Variants in PDE4D observed in about 807,000 individuals in gnomAD.
PDE4D encodes the protein 3',5'-cyclic-AMP phosphodiesterase 4D.
A neutral mutation model predicts 87.4 loss-of-function variants in PDE4D; 24 were observed. The observed-to-expected ratio is 0.27, with a 90% CI of 0.20 to 0.39. The LOEUF is 0.39. PDE4D is among the 10% of genes least tolerant of loss of function. The pLI is 1.00. For synonymous variants in PDE4D, 384 were observed against 383.2 expected (o/e 1.00, Z -0.02); for missense variants, 714 against 1,041.0 (o/e 0.69, Z 4.32).
chr5:60,003,527 T>C (rs1460171023), intron 2 of PDE4D, among the ~76,000 whole-genome samples: 1 of 151,854 alleles, frequency 6.6e-6, no homozygotes, highest in Non-Finnish European at 1.5e-5. Context: ...CTGGCCAAGA[T>C]GGTGAAATCC....
At chr5:60,487,141 C>T (rs1749206564) in intron 1 of PDE4D, among the ~76,000 whole-genome samples, 1 of 152,190 alleles carries the variant, frequency 6.6e-6, no homozygotes, top group Non-Finnish European at 1.5e-5. Context: ...CTTCAATCTG[C>T]TCCAGCTTTA....
chr5:59,402,788 A>T (rs13189436), intron 1 of PDE4D, among the ~76,000 whole-genome samples: 25,177 of 151,588 alleles, frequency 0.17, 2,621 homozygotes, highest in African/African-American at 0.3. Context: ...ATTTTTTTTT[A>T]AATTCCATAT....
At chr5:59,455,450 T>G (rs1799771633) in intron 1 of PDE4D, among the ~76,000 whole-genome samples, 1 of 152,228 alleles carries the variant, frequency 6.6e-6, no homozygotes, top group Non-Finnish European at 1.5e-5. Flanking sequence ...AATTGAGGTT[T>G]GGGAACCTCT....
Position 59,933,786 on chromosome 5 carries a change from ATATATT to A in PDE4D, c.272+54696_272+54701del, listed in dbSNP as rs200996858. ...TGTAAAAGGAGATATATATATATAT[ATATATT>A]AATAAGCATTCATATAAAAGATAAT... On this transcript the variant is annotated intron_variant, in intron 3 of 16. Transcript: ENST00000502484. Among the ~76,000 whole-genome samples the A allele has an allele frequency of 7.4e-4, 81 of 109,000 alleles. 1 individual carries two copies. Among genetic ancestry groups the A allele is most frequent in the African/African-American group, 4.0e-3 (76 of 18,960 alleles). 71.5% of individuals were successfully genotyped at this position (109,000 alleles called of 152,430 possible).
intron 1 of PDE4D, among the ~76,000 whole-genome samples, chr5:59,315,760 C>G (rs187246416): frequency 3.1e-4 from 47 of 152,166 alleles, no homozygotes; most frequent in Middle Eastern, 3.4e-3. Flanking sequence ...GGCACTAGAC[C>G]AGTAAAGGAA....
At chr5:60,317,280 T>G (rs1267810224) in intron 1 of PDE4D, among the ~76,000 whole-genome samples, 1 of 152,196 alleles carries the variant, frequency 6.6e-6, no homozygotes. Flanking sequence ...TGCATAGAGG[T>G]GTTTATAGTA....
chr5:60,477,511 A>G (rs1028050967), intron 1 of PDE4D, among the ~76,000 whole-genome samples: 1 of 152,196 alleles, frequency 6.6e-6, no homozygotes, highest in Non-Finnish European at 1.5e-5. Flanking sequence ...TTAAATTTCC[A>G]AAAGGGAGGC....
At chr5:59,140,818 C>T (rs956119141) in intron 5 of PDE4D, among the ~76,000 whole-genome samples, 1 of 152,118 alleles carries the variant, frequency 6.6e-6, no homozygotes, top group Non-Finnish European at 1.5e-5. Context: ...TATTCCTTGA[C>T]GTGATTCTGT....
At chr5:59,847,702 A>C in intron 1 of PDE4D, among the ~76,000 whole-genome samples, 1 of 152,094 alleles carries the variant, frequency 6.6e-6, no homozygotes, top group East Asian at 1.9e-4. Flanking sequence ...TTAGGCAAAC[A>C]ACCAGGAAAA....
chr5:59,390,554 C>A (rs958736780), intron 1 of PDE4D, among the ~76,000 whole-genome samples: 14 of 152,094 alleles, frequency 9.2e-5, no homozygotes, highest in African/African-American at 3.1e-4. Flanking sequence ...AAGAGCAAAT[C>A]AGGGTTACTA....
At chr5:60,297,635 C>T (rs1320401026) in intron 1 of PDE4D, among the ~76,000 whole-genome samples, 2 of 152,094 alleles carry the variant, frequency 1.3e-5, no homozygotes, top group East Asian at 3.9e-4. Flanking sequence ...ATAATCAAAA[C>T]ACAGTTCCAA....
intron 1 of PDE4D, among the ~76,000 whole-genome samples, chr5:59,610,045 C>T (rs1218146515): frequency 6.6e-6 from 1 of 152,112 alleles, no homozygotes; most frequent in Non-Finnish European, 1.5e-5. Flanking sequence ...TCTGGTACTG[C>T]CCTAGATACA....
chr5:59,922,582 A>G (rs1178897835), intron 3 of PDE4D, among the ~76,000 whole-genome samples: 3 of 152,102 alleles, frequency 2.0e-5, no homozygotes, highest in Non-Finnish European at 4.4e-5. Flanking sequence ...CCTGGATGAC[A>G]TTTTTAGAAA....
chr5:59,524,933 C>T (rs1812817512), intron 1 of PDE4D, among the ~76,000 whole-genome samples: 1 of 152,188 alleles, frequency 6.6e-6, no homozygotes, highest in East Asian at 1.9e-4. Context: ...ACCTAGATTT[C>T]AGAGGATGTA....
At chr5:59,404,472 A>G (rs1791260199) in intron 1 of PDE4D, among the ~76,000 whole-genome samples, 1 of 152,078 alleles carries the variant, frequency 6.6e-6, no homozygotes, top group African/African-American at 2.4e-5. Flanking sequence ...CAACCTGGCC[A>G]ACATGGCAAA....
At chr5:60,172,299 C>CACAG (rs751535191) in intron 2 of PDE4D, among the ~76,000 whole-genome samples, 1 of 149,674 alleles carries the variant, frequency 6.7e-6, no homozygotes, top group Non-Finnish European at 1.5e-5. Context: ...CACACACACA[C>CACAG]AAATATGCAA....
At chr5:59,259,595 C>T (rs921090028) in intron 1 of PDE4D, among the ~76,000 whole-genome samples, 1 of 151,904 alleles carries the variant, frequency 6.6e-6, no homozygotes, top group Non-Finnish European at 1.5e-5. Flanking sequence ...GAAGCTGAAA[C>T]ATGCTTCTGA....
chr5:59,349,627 AC>A (rs1446950514), intron 1 of PDE4D, among the ~76,000 whole-genome samples: 1 of 152,166 alleles, frequency 6.6e-6, no homozygotes, highest in Non-Finnish European at 1.5e-5. Context: ...AAATATTCAT[AC>A]CTATTACCCA....
chr5:59,175,291 A>G (rs757466997), intron 5 of PDE4D, among the ~76,000 whole-genome samples: 1 of 152,172 alleles, frequency 6.6e-6, no homozygotes, highest in South Asian at 2.1e-4. Context: ...CTGTGTGAAA[A>G]CAAAATCATA....
Sources: gnomAD v4.1 joint callset for allele counts (sites outside exome capture counted in the v4.1 genomes callset) on GRCh38, gnomAD v4.1.1 for gene constraint, MANE v1.5 for transcripts, NCBI Gene and HGNC (gene_info 2026-07-23, HGNC 2026-07-21) for gene names.